Variants in EML6 observed in about 807,000 individuals in gnomAD.
EML6 encodes the protein EMAP like 6.
Under a neutral mutation model 240.1 loss-of-function variants are expected in EML6, and 154 were observed. The observed-to-expected ratio is 0.64, with a 90% CI of 0.56 to 0.73. EML6 has a LOEUF of 0.73. EML6 is among the 30% of genes least tolerant of loss of function. The probability of loss-of-function intolerance (pLI) is 0.00; values close to 1 mark genes in which losing one functional copy is unlikely to be tolerated. For synonymous variants in EML6, 1,148 were observed against 899.0 expected, an observed-to-expected ratio of 1.28 and a Z score of -4.95; for missense variants, 2,964 against 2,474.6, an observed-to-expected ratio of 1.20 and a Z score of -4.20.
chr2:54,931,419 G>T (rs1335158404), intron 28 of EML6, among the ~76,000 whole-genome samples: 1 of 152,132 alleles, frequency 6.6e-6, no homozygotes. Context: ...AGGACCCATG[G>T]ACTCTAGCAT....
chr2:54,971,918 GTA>G lies in EML6; in HGVS notation c.*1825_*1826del, dbSNP rs1272982909. ...TATGTATGTTCATAAATCCTGCACT[GTA>G]TGATATATGTGAGTTAAAACATTGG... is the stretch of plus-strand genomic sequence containing the variant. On this transcript the variant is annotated 3_prime_UTR_variant, in exon 42 of 42. Coordinates refer to ENST00000356458, the MANE Select transcript of EML6 (RefSeq NM_001039753.4). The G allele has an allele frequency of 6.6e-6, 1 of 152,188 alleles. No homozygotes were observed. The highest frequency in any genetic ancestry group is 1.5e-5 in the Non-Finnish European group (1 of 68,040). The allele number at this position is 152,188 out of a possible 1,614,324, so 9.4% of individuals were successfully genotyped here. A position where few individuals can be genotyped will look rare whatever the true frequency, so the allele number is the denominator to read the frequency against.
At chr2:54,944,522 T>G (rs1458221285) in intron 28 of EML6, among the ~76,000 whole-genome samples, 1 of 152,182 alleles carries the variant, frequency 6.6e-6, no homozygotes, top group Non-Finnish European at 1.5e-5. Flanking sequence ...CTCTTCAGTA[T>G]TCTGCCCATC....
Position 54,892,541 on chromosome 2 carries a change from A to G in EML6, c.2627A>G (p.Asp876Gly), listed in dbSNP as rs1319125652. 6 of 1,551,392 alleles carry G rather than the reference A, an allele frequency of 3.9e-6. No individual in the cohort carries two copies. The highest frequency in any genetic ancestry group is 4.4e-6 in the Non-Finnish European group (5 of 1,146,658). Residue 876 changes from aspartate (D) to glycine (G), a missense_variant, in exon 19 of 42, where the codon GAT (aspartate) becomes GGT (glycine). By Grantham distance (94) the Asp-to-Gly change is moderately conservative (BLOSUM62 -1). Coordinates refer to ENST00000356458, the MANE Select transcript of EML6 (RefSeq NM_001039753.4). ...TGTGTTTCTTACGGACGAATGGAAG[A>G]TCTAGTGTTCTCAGGAGCAGCTACT... ...MMCVSYGRME[D>G]LVFSGAATGD...
intron 18 of EML6, 98 bp from the exon 19 acceptor site, chr2:54,892,356 A>G: frequency 1.4e-6 from 1 of 713,136 alleles, no homozygotes; most frequent in Non-Finnish European, 2.4e-6. Flanking sequence ...ATAAATACCT[A>G]ATGAGAGACA....
intron 32 of EML6, among the ~76,000 whole-genome samples, chr2:54,957,116 C>A (rs986472893): frequency 1.3e-5 from 2 of 151,950 alleles, no homozygotes; most frequent in African/African-American, 4.8e-5. Context: ...AATTATTAGC[C>A]CCATCTTACA....
At chr2:54,927,943 T>C (rs1432173726) in intron 26 of EML6, among the ~76,000 whole-genome samples, 1 of 152,186 alleles carries the variant, frequency 6.6e-6, no homozygotes, top group East Asian at 1.9e-4. Flanking sequence ...TGAAGACACT[T>C]TTGATCTCAG....
At position 54,948,794 on chromosome 2, in the gene EML6, C is replaced by A. The variant is rs563814823; in HGVS notation, c.4005-88C>A. The A allele has an allele frequency of 1.0e-5, 10 of 985,394 alleles. No homozygotes were observed. The Admixed American group carries it at 2.1e-4, about 21-fold the overall frequency. 61.0% of individuals were successfully genotyped at this position (985,394 alleles called of 1,614,324 possible). ...TTTGAGGCGGGAGGAGAGAGGAGGC[C>A]GGCACTGGCCTAGACAGGCCACACC... On this transcript the variant is annotated intron_variant, in intron 28 of 41. Transcript: ENST00000356458.
At chr2:54,836,662 G>C (rs1669161037) in intron 7 of EML6, among the ~76,000 whole-genome samples, 1 of 152,142 alleles carries the variant, frequency 6.6e-6, no homozygotes, top group African/African-American at 2.4e-5. Context: ...TCCCCTGGCA[G>C]GGAGGCTTCT....
chr2:54,772,751 G>C (rs1668450609), intron 2 of EML6, among the ~76,000 whole-genome samples: 1 of 152,222 alleles, frequency 6.6e-6, no homozygotes, highest in African/African-American at 2.4e-5. Flanking sequence ...TTCACACCCA[G>C]GTCTGTTCCT....
intron 28 of EML6, among the ~76,000 whole-genome samples, chr2:54,942,271 C>T (rs1355998312): frequency 6.6e-6 from 1 of 152,208 alleles, no homozygotes; most frequent in East Asian, 1.9e-4. Flanking sequence ...GGAAATCACA[C>T]TCCCACAGTG....
chr2:54,914,338 C>T (rs1268969870), intron 25 of EML6, among the ~76,000 whole-genome samples: 1 of 152,174 alleles, frequency 6.6e-6, no homozygotes, highest in African/African-American at 2.4e-5. Flanking sequence ...CTCTCAATTT[C>T]TCCTGTGGAT....
intron 16 of EML6, among the ~76,000 whole-genome samples, chr2:54,872,833 T>G (rs1671324604): frequency 6.6e-6 from 1 of 152,218 alleles, no homozygotes; most frequent in African/African-American, 2.4e-5. Flanking sequence ...CTTCCAACTT[T>G]ACAGGGAGAA....
At chr2:54,858,088 C>T (rs139291706) in intron 11 of EML6, among the ~76,000 whole-genome samples, 1 of 152,298 alleles carries the variant, frequency 6.6e-6, no homozygotes, top group East Asian at 1.9e-4. Context: ...CAGGGTCTCT[C>T]ATGAGGTTGC....
At chr2:54,958,618 T>G (rs1676347614) in intron 33 of EML6, among the ~76,000 whole-genome samples, 1 of 152,184 alleles carries the variant, frequency 6.6e-6, no homozygotes, top group Non-Finnish European at 1.5e-5. Context: ...ATTTCCACTG[T>G]AGATAATGAT....
intron 31 of EML6, 44 bp downstream of exon 31, chr2:54,952,736 A>G (rs1447413282): frequency 7.5e-7 from 1 of 1,328,746 alleles, no homozygotes; most frequent in Non-Finnish European, 1.1e-6. Flanking sequence ...GCTTGCAGGG[A>G]CGCTGACCTG....
At chr2:54,873,764 A>G (rs1255174234) in intron 16 of EML6, among the ~76,000 whole-genome samples, 2 of 144,876 alleles carry the variant, frequency 1.4e-5, no homozygotes, top group African/African-American at 5.2e-5. Context: ...CAACAGCTAA[A>G]TGTTTACAAC....
intron 2 of EML6, among the ~76,000 whole-genome samples, chr2:54,742,711 C>T (rs1215355925): frequency 2.0e-5 from 3 of 152,180 alleles, no homozygotes; most frequent in African/African-American, 7.2e-5. Flanking sequence ...CCAGCCTCAG[C>T]TTCTTCCTCT....
At chr2:54,856,703 C>T (rs1014756870) in intron 11 of EML6, among the ~76,000 whole-genome samples, 2 of 152,142 alleles carry the variant, frequency 1.3e-5, no homozygotes, top group African/African-American at 2.4e-5. Context: ...GAGAGGGTGA[C>T]AGGGCTGTGT....
intron 35 of EML6, 102 bp from the exon 36 acceptor site, chr2:54,962,421 A>T: frequency 1.1e-6 from 1 of 903,272 alleles, no homozygotes; most frequent in East Asian, 2.9e-5. Context: ...GGCAGTCATC[A>T]TTCTACTTTC....
Sources: allele counts gnomAD v4.1 joint callset (sites outside exome capture counted in the v4.1 genomes callset), GRCh38; gene constraint gnomAD v4.1.1; transcripts MANE v1.5; gene names NCBI Gene and HGNC (gene_info 2026-07-23, HGNC 2026-07-21).